Variants in BEND4 observed in about 807,000 individuals in gnomAD.
BEND4 encodes the protein BEN domain-containing protein 4.
Under a neutral mutation model 54.7 loss-of-function variants are expected in BEND4, and 27 were observed. The ratio of observed to expected loss-of-function variants is 0.49; its 90% confidence interval spans 0.36 to 0.68. The LOEUF is 0.68. BEND4 is among the 30% of genes least tolerant of loss of function. BEND4 has a pLI of 0.00. For synonymous variants in BEND4, 327 were observed against 299.5 expected, an observed-to-expected ratio of 1.09 and a Z score of -0.95; for missense variants, 702 against 697.2, an observed-to-expected ratio of 1.01 and a Z score of -0.08.
At chr4:42,137,040 G>A (rs1480244124) in intron 3 of BEND4, among the ~76,000 whole-genome samples, 1 of 152,106 alleles carries the variant, frequency 6.6e-6, no homozygotes. Flanking sequence ...GGTGAATAAT[G>A]AGAATCAGCT....
At chr4:42,138,871 T>C (rs1178708143) in intron 3 of BEND4, among the ~76,000 whole-genome samples, 3 of 152,260 alleles carry the variant, frequency 2.0e-5, no homozygotes, top group East Asian at 3.8e-4. Flanking sequence ...TTAGTATCTA[T>C]GGACTTTGTG....
At chr4:42,120,374 C>T (rs1720011001) in intron 4 of BEND4, 80 bp from the exon 5 acceptor site, 1 of 1,527,228 alleles carries the variant, frequency 6.5e-7, no homozygotes, top group African/African-American at 1.4e-5. Flanking sequence ...CAAAGGCAAA[C>T]ATGCTTTTTT....
At position 42,117,152 on chromosome 4, in the gene BEND4, C is replaced by T. The variant is rs1476530704; in HGVS notation, c.*366G>A. The T allele has an allele frequency of 5.7e-6, 1 of 175,364 alleles. No homozygotes were observed. The highest frequency in any genetic ancestry group is 2.4e-5 in the African/African-American group (1 of 42,130). 10.9% of individuals were successfully genotyped at this position (175,364 alleles called of 1,614,324 possible). ...ACACAACTCCATGTCTCCACCTTCT[C>T]CCATGGGCAGAAACACTACCCCAGC... On this transcript the variant is annotated 3_prime_UTR_variant, in exon 6 of 6. Transcript: ENST00000502486.
At position 42,152,326 on chromosome 4, in the gene BEND4, C is replaced by T; in HGVS notation, c.-183G>A. On this transcript the variant is annotated 5_prime_UTR_variant, in exon 2 of 6. Transcript: ENST00000502486. ...TGAGGCTGGCATCGCCGAGCCCCCG[C>T]GCGGGGGGCTGCCGCCCGAGCTCCT... is the stretch of plus-strand genomic sequence containing the variant. The T allele has an allele frequency of 2.3e-6, 1 of 428,450 alleles. No homozygotes were observed. Among genetic ancestry groups the T allele is most frequent in the Non-Finnish European group, 3.7e-6 (1 of 268,000 alleles). 26.5% of individuals were successfully genotyped at this position (428,450 alleles called of 1,614,324 possible).
At chr4:42,127,991 T>C (rs919962166) in intron 3 of BEND4, among the ~76,000 whole-genome samples, 3 of 151,952 alleles carry the variant, frequency 2.0e-5, no homozygotes, top group African/African-American at 7.3e-5. Flanking sequence ...AGCAAGAACA[T>C]ATCTTTACAA....
chr4:42,118,210 G>C (rs570800103), intron 5 of BEND4, among the ~76,000 whole-genome samples: 1 of 152,162 alleles, frequency 6.6e-6, no homozygotes, highest in Non-Finnish European at 1.5e-5. Context: ...CTGAGGAGGT[G>C]CCTAAGTGTT....
At chr4:42,150,824 T>A (rs1373591509) in intron 2 of BEND4, among the ~76,000 whole-genome samples, 1 of 152,162 alleles carries the variant, frequency 6.6e-6, no homozygotes, top group Non-Finnish European at 1.5e-5. Flanking sequence ...ACGAGGCGTT[T>A]CTGTAAGGCT....
chr4:42,136,621 G>T (rs543796472), intron 3 of BEND4, among the ~76,000 whole-genome samples: 1 of 152,314 alleles, frequency 6.6e-6, no homozygotes, highest in Admixed American at 6.5e-5. Flanking sequence ...TTCAGCTCTC[G>T]TAACTGTAAA....
intron 3 of BEND4, among the ~76,000 whole-genome samples, chr4:42,129,815 T>C (rs1437433700): frequency 2.6e-5 from 4 of 152,206 alleles, no homozygotes; most frequent in African/African-American, 7.2e-5. Flanking sequence ...CAAGAAAATC[T>C]AGGCAATACC....
At chr4:42,125,518 A>AT in intron 4 of BEND4, 65 bp downstream of exon 4, 1 of 1,269,352 alleles carries the variant, frequency 7.9e-7, no homozygotes, top group Middle Eastern at 1.9e-4. Flanking sequence ...GTATACACTG[A>AT]TAAGTTAATC....
intron 3 of BEND4, among the ~76,000 whole-genome samples, chr4:42,142,079 A>G (rs116439915): frequency 0.13 from 19,315 of 150,694 alleles, 1,249 homozygotes; most frequent in Middle Eastern, 0.17. Context: ...ACTTTTGTGT[A>G]TTTTTTTAGT....
In BEND4 at chr4:42,123,577, G is replaced by A. The variant is rs532376174; in HGVS notation, c.1146+2006C>T. Among the ~76,000 whole-genome samples, 25 of 151,546 alleles carry A rather than the reference G, an allele frequency of 1.6e-4. No individual in the cohort carries two copies. In the South Asian group the frequency reaches 2.9e-3, roughly 18 times the overall value. On this transcript the variant is annotated intron_variant, in intron 4 of 5. Coordinates refer to ENST00000502486, the MANE Select transcript of BEND4 (RefSeq NM_207406.4). ...GGCAGTCAGGGAGAGCTTCCTGGAA[G>A]AAGTGGGCTTTTCAGCGGTGCTTTT... is the stretch of plus-strand genomic sequence containing the variant.
intron 2 of BEND4, among the ~76,000 whole-genome samples, chr4:42,149,185 G>A (rs1023151960): frequency 3.3e-5 from 5 of 149,932 alleles, no homozygotes; most frequent in South Asian, 2.1e-4. Context: ...GCAAAGCGCC[G>A]CTCCCACCCC....
Position 42,137,561 on chromosome 4 carries a change from C to T in BEND4, c.1054+5867G>A, listed in dbSNP as rs114788524. Among the ~76,000 whole-genome samples the T allele has an allele frequency of 4.2e-3, 646 of 152,230 alleles. 1 individual carries two copies. The highest frequency in any genetic ancestry group is 0.015 in the African/African-American group (611 of 41,534). On this transcript the variant is annotated intron_variant, in intron 3 of 5. Coordinates refer to ENST00000502486, the MANE Select transcript of BEND4 (RefSeq NM_207406.4). ...GTTCTTTAGATTAAGGATATTGAGT[C>T]GATTTTAGCAGCTCGTACTACAAGA...
chr4:42,112,241 G>A lies in BEND4; in HGVS notation c.*5277C>T, dbSNP rs575153032. On this transcript the variant is annotated 3_prime_UTR_variant, in exon 6 of 6. Coordinates refer to ENST00000502486, the MANE Select transcript of BEND4 (RefSeq NM_207406.4). ...GGGCAGTTTCCTTATCAATACAATG[G>A]GGATAAGAACAGTAACAGCCTCATA... is the stretch of plus-strand genomic sequence containing the variant. 2.0e-5 allele frequency: 3 copies of A among 152,228 alleles called. No homozygotes were observed. Among genetic ancestry groups the A allele is most frequent in the East Asian group, 3.9e-4 (2 of 5,190 alleles). The allele number at this position is 152,228 out of a possible 1,614,324, so 9.4% of individuals were successfully genotyped here. A position where few individuals can be genotyped will look rare whatever the true frequency, so the allele number is the denominator to read the frequency against.
At position 42,151,650 on chromosome 4, in the gene BEND4, T is replaced by C; in HGVS notation, c.487+7A>G. The C allele has an allele frequency of 6.8e-7, 1 of 1,463,040 alleles. No homozygotes were observed. 90.6% of individuals were successfully genotyped at this position (1,463,040 alleles called of 1,614,324 possible). A position where few individuals can be genotyped will look rare whatever the true frequency, so the allele number is the denominator to read the frequency against. On this transcript the variant is annotated splice_region_variant and intron_variant, in intron 2 of 5. Coordinates refer to ENST00000502486, the MANE Select transcript of BEND4 (RefSeq NM_207406.4). ...GCGGGAAGGAAAGTTGTGCGGAGAGTTGGTACCTGCGCTGAGCTCCAGGCT... is the reference window on the plus strand; with the variant it reads ...GCGGGAAGGAAAGTTGTGCGGAGAGCTGGTACCTGCGCTGAGCTCCAGGCT...
Position 42,121,705 on chromosome 4 carries a change from G to A in BEND4, c.1147-1411C>T, listed in dbSNP as rs547377798. 1.1e-4 allele frequency among the ~76,000 whole-genome samples: 16 copies of A among 152,296 alleles called. No homozygotes were observed. The East Asian group carries it at 2.7e-3, about 26-fold the overall frequency. ...AGCTCCCAAAAAGTCCTTCAGCCCC[G>A]GTTGCAGTTTCATGGCAGGAGATGA... is the stretch of plus-strand genomic sequence containing the variant. On this transcript the variant is annotated intron_variant, in intron 4 of 5. Transcript: ENST00000502486.
At position 42,143,671 on chromosome 4, in the gene BEND4, T is replaced by C. The variant is rs577388534; in HGVS notation, c.811A>G (p.Ser271Gly). The change falls in exon 3 of 6, where the codon AGT becomes GGT. Residue 271 changes from serine to glycine, a missense_variant. Transcript: ENST00000502486. The stretch of plus-strand genomic sequence containing the variant: ...ACGTCGGCCAGATGGCCATATTCAC[T>C]GGCTGACGAGGGGTTTGGAGTTGGA... ...SFPTPNPSSA[S>G]EYGHLADVDP... is the part of the protein sequence containing the mutation. The C allele has an allele frequency of 2.7e-5, 44 of 1,614,022 alleles. No individual in the cohort carries two copies. Among genetic ancestry groups the C allele is most frequent in the African/African-American group, 1.1e-4 (8 of 75,068 alleles).
chr4:42,133,893 T>C (rs1276372402), intron 3 of BEND4, among the ~76,000 whole-genome samples: 1 of 152,168 alleles, frequency 6.6e-6, no homozygotes, highest in Admixed American at 6.5e-5. Context: ...AATGACCTAC[T>C]GTATACAGTT....
Sources: gnomAD v4.1 joint callset for allele counts (sites outside exome capture counted in the v4.1 genomes callset) on GRCh38, gnomAD v4.1.1 for gene constraint, MANE v1.5 for transcripts, NCBI Gene and HGNC (gene_info 2026-07-23, HGNC 2026-07-21) for gene names.